Variants in CCDC141 observed in about 807,000 individuals in gnomAD.
CCDC141 encodes coiled-coil domain-containing protein 141.
Under a neutral mutation model 181.0 loss-of-function variants are expected in CCDC141, and 168 were observed. The observed-to-expected ratio is 0.93, with a 90% CI of 0.82 to 1.05. The LOEUF (loss-of-function observed/expected upper bound fraction) is 1.05. Ranked by LOEUF, CCDC141 falls within the 50% of genes least tolerant of loss-of-function variation. The pLI is 0.00. For missense variants in CCDC141, 1,902 were observed against 1,788.5 expected (o/e 1.06, Z -1.14); for synonymous variants, 666 against 642.3 (o/e 1.04, Z -0.56).
intron 8 of CCDC141, among the ~76,000 whole-genome samples, chr2:178,892,226 A>G (rs1687190130): frequency 6.6e-6 from 1 of 152,092 alleles, no homozygotes; most frequent in South Asian, 2.1e-4. Flanking sequence ...GTTTGGCTCA[A>G]TACTTCCTTC....
chr2:178,932,572 T>C (rs1390366168), intron 6 of CCDC141, among the ~76,000 whole-genome samples: 1 of 152,316 alleles, frequency 6.6e-6, no homozygotes, highest in East Asian at 1.9e-4. Flanking sequence ...AAAAAAATCA[T>C]TGAAAAACAA....
intron 2 of CCDC141, among the ~76,000 whole-genome samples, chr2:179,015,376 T>TATCCCATATATGTATCATAC (rs1559049503): frequency 7.2e-4 from 67 of 92,486 alleles, no homozygotes; most frequent in African/African-American, 2.1e-3. Context: ...ATGTATCATA[T>TATCCCATATATGTATCATAC]ATATCTCATA....
intron 2 of CCDC141, among the ~76,000 whole-genome samples, chr2:179,034,695 C>T (rs1269631937): frequency 1.3e-5 from 2 of 152,124 alleles, no homozygotes; most frequent in African/African-American, 4.8e-5. Flanking sequence ...AGTCTTTCCT[C>T]GCATTCTTAC....
rs151116011 is a variant in CCDC141, at chr2:178,924,977, C to T, written c.898-6070G>A. On this transcript the variant is annotated intron_variant, in intron 6 of 23. Transcript: ENST00000443758. ...TGCTTTTTGAGCCTTGCTTTTACTTCAGTGCAATGACAGTCACCACCAGTT... is the reference window on the plus strand; with the variant it reads ...TGCTTTTTGAGCCTTGCTTTTACTTTAGTGCAATGACAGTCACCACCAGTT... 3.0e-3 allele frequency among the ~76,000 whole-genome samples: 456 copies of T among 152,286 alleles called. 2 individuals are homozygous for T. The highest frequency in any genetic ancestry group is 0.01 in the African/African-American group (416 of 41,560).
intron 22 of CCDC141, among the ~76,000 whole-genome samples, chr2:178,841,829 C>T (rs1368735321): frequency 1.3e-5 from 2 of 152,150 alleles, no homozygotes; most frequent in African/African-American, 2.4e-5. Context: ...GACGGGGTTT[C>T]ACCATGTTGG....
chr2:179,049,513 T>C (rs115774666), intron 1 of CCDC141, among the ~76,000 whole-genome samples: 4,735 of 152,216 alleles, frequency 0.031, 245 homozygotes, highest in African/African-American at 0.11. Context: ...AACTTCCAGT[T>C]ACCAATGCCT....
intron 4 of CCDC141, among the ~76,000 whole-genome samples, chr2:178,965,324 G>A (rs113639735): frequency 3.3e-5 from 5 of 152,318 alleles, no homozygotes; most frequent in African/African-American, 9.6e-5. Flanking sequence ...AAACATCCAC[G>A]ATTGCTGGCA....
intron 6 of CCDC141, among the ~76,000 whole-genome samples, chr2:178,942,371 C>A (rs1177764597): frequency 6.6e-6 from 1 of 152,086 alleles, no homozygotes; most frequent in Admixed American, 6.5e-5. Flanking sequence ...AACTTAAATA[C>A]ATATTACTAA....
At chr2:178,960,728 C>T (rs1187404591) in intron 5 of CCDC141, among the ~76,000 whole-genome samples, 2 of 152,116 alleles carry the variant, frequency 1.3e-5, no homozygotes, top group Non-Finnish European at 2.9e-5. Flanking sequence ...CCCCCAAAGC[C>T]CTCTGACCAC....
At chr2:178,904,665 T>C (rs909054379) in intron 8 of CCDC141, among the ~76,000 whole-genome samples, 1 of 152,202 alleles carries the variant, frequency 6.6e-6, no homozygotes. Context: ...ATCTGCTCTG[T>C]CATTTCCCCT....
Position 178,836,657 on chromosome 2 carries a change from T to C in CCDC141, c.4325+237A>G, listed in dbSNP as rs1489852087. On this transcript the variant is annotated intron_variant, in intron 23 of 23. Transcript: ENST00000443758. ...ACAAGCACAACCAACCTACAGTGCT[T>C]TGGAAATTTGTTAAATTATTAGTAC... 3 of 410,574 alleles carry C rather than the reference T, an allele frequency of 7.3e-6. No individual in the cohort carries two copies. The East Asian group carries it at 1.3e-4, about 18-fold the overall frequency. The allele number at this position is 410,574 out of a possible 1,614,324, so 25.4% of individuals were successfully genotyped here. A position where few individuals can be genotyped will look rare whatever the true frequency, so the allele number is the denominator to read the frequency against.
chr2:178,853,777 A>G (rs1049910351), intron 19 of CCDC141, among the ~76,000 whole-genome samples, 153 bp from the exon 20 acceptor site: 2 of 152,246 alleles, frequency 1.3e-5, no homozygotes, highest in Non-Finnish European at 2.9e-5. Flanking sequence ...ATATTAAAAC[A>G]TGATCGTATT....
chr2:178,818,680 G>T, the CCDC141 span, among the ~76,000 whole-genome samples: 102 of 152,256 alleles, frequency 6.7e-4, no homozygotes, highest in East Asian at 0.015. Flanking sequence ...GTCTATCATT[G>T]ATGGGTGTTT....
intron 2 of CCDC141, among the ~76,000 whole-genome samples, chr2:179,013,408 G>C (rs1333740418): frequency 6.6e-6 from 1 of 151,976 alleles, no homozygotes; most frequent in Non-Finnish European, 1.5e-5. Context: ...TACCAACCAA[G>C]GAGTCAAAAG....
chr2:178,981,320 T>C (rs1414527168), intron 2 of CCDC141, among the ~76,000 whole-genome samples: 2 of 151,918 alleles, frequency 1.3e-5, no homozygotes, highest in African/African-American at 4.8e-5. Flanking sequence ...ACATGGAACA[T>C]ACATCAAGAT....
In CCDC141 at chr2:178,942,004, GA is replaced by G. The variant is rs1558996033; in HGVS notation, c.897+2530del. Among the ~76,000 whole-genome samples the G allele has an allele frequency of 6.1e-3, 669 of 109,044 alleles. 12 individuals are homozygous for G. The highest frequency in any genetic ancestry group is 0.023 in the African/African-American group (646 of 28,376). 71.5% of individuals were successfully genotyped at this position (109,044 alleles called of 152,430 possible). ...AAAAAAAAAAAAAAAAAAAAAAAGG[GA>G]AAAGAAAAGAAATTTACTCTCAGGG... On this transcript the variant is annotated intron_variant, in intron 6 of 23. Transcript: ENST00000443758.
At chr2:178,919,407 T>G (rs987937126) in intron 6 of CCDC141, among the ~76,000 whole-genome samples, 1 of 152,076 alleles carries the variant, frequency 6.6e-6, no homozygotes, top group Non-Finnish European at 1.5e-5. Flanking sequence ...CAGGTTTGAG[T>G]ACCATGTAGA....
At chr2:179,023,086 C>T (rs2042732870) in intron 2 of CCDC141, among the ~76,000 whole-genome samples, 1 of 152,106 alleles carries the variant, frequency 6.6e-6, no homozygotes, top group South Asian at 2.1e-4. Context: ...TCCATGGCTT[C>T]CTAGCTATAT....
At chr2:178,996,636 A>G (rs1028134828) in intron 2 of CCDC141, among the ~76,000 whole-genome samples, 1 of 152,160 alleles carries the variant, frequency 6.6e-6, no homozygotes, top group African/African-American at 2.4e-5. Context: ...ACACTTTATA[A>G]ATCAGTGATA....
Sources: allele counts gnomAD v4.1 joint callset (sites outside exome capture counted in the v4.1 genomes callset), GRCh38; gene constraint gnomAD v4.1.1; transcripts MANE v1.5; gene names NCBI Gene and HGNC (gene_info 2026-07-23, HGNC 2026-07-21).